The following VRK1 variants were observed in gnomAD, a reference collection of about 807,000 sequenced individuals.
VRK1 encodes serine/threonine-protein kinase VRK1.
A neutral mutation model predicts 57.1 loss-of-function variants in VRK1; 33 were observed. The ratio of observed to expected loss-of-function variants is 0.58; its 90% CI spans 0.44 to 0.77. The LOEUF (loss-of-function observed/expected upper bound fraction) is 0.77, where lower values mean the gene tolerates loss of function less well. Among genes scored for constraint, VRK1 ranks in the 30% least tolerant of loss-of-function variants. The pLI, the probability that VRK1 is intolerant of heterozygous loss-of-function variation, is 0.00. For missense variants in VRK1, 413 were observed against 477.3 expected (o/e 0.87, Z 1.25); for synonymous variants, 137 against 147.8 (o/e 0.93, Z 0.53).
intron 5 of VRK1, among the ~76,000 whole-genome samples, chr14:96,851,920 A>G (rs576780132): frequency 6.5e-4 from 99 of 152,370 alleles, no homozygotes; most frequent in Non-Finnish European, 1.0e-3. Flanking sequence ...TTGATGATTC[A>G]TAATCTTCCT....
intron 5 of VRK1, among the ~76,000 whole-genome samples, chr14:96,847,674 C>CAA (rs777977633): frequency 6.6e-6 from 1 of 151,434 alleles, no homozygotes; most frequent in Non-Finnish European, 1.5e-5. Flanking sequence ...AATAAACAAA[C>CAA]AAAAACGCCT....
chr14:96,822,453 T>C (rs2139722825), intron 1 of VRK1, among the ~76,000 whole-genome samples: 1 of 152,320 alleles, frequency 6.6e-6, no homozygotes, highest in South Asian at 2.1e-4. Context: ...ATATTTACAT[T>C]AAAGGGAAAA....
chr14:96,874,439 C>G (rs540745569), intron 11 of VRK1, among the ~76,000 whole-genome samples: 48 of 152,302 alleles, frequency 3.2e-4, no homozygotes, highest in African/African-American at 1.1e-3. Flanking sequence ...CCAATCTGTT[C>G]AGCCCAGCAG....
intron 1 of VRK1, among the ~76,000 whole-genome samples, chr14:96,812,666 T>C (rs1886250579): frequency 6.6e-6 from 1 of 152,236 alleles, no homozygotes; most frequent in Non-Finnish European, 1.5e-5. Flanking sequence ...ATGTTTTTTC[T>C]TTTTCTTCCA....
chr14:96,867,925 G>T (rs1046940916), intron 11 of VRK1, among the ~76,000 whole-genome samples: 41 of 151,906 alleles, frequency 2.7e-4, no homozygotes, highest in African/African-American at 9.9e-4. Flanking sequence ...AACTGTTTTG[G>T]CAGAGGGATT....
chr14:96,876,120 C>G lies in VRK1; in HGVS notation c.1159C>G (p.Arg387Gly), dbSNP rs149083861. The change falls in exon 12 of 13, where the codon CGT becomes GGT. Residue 387 changes from arginine to glycine, a missense_variant and splice_region_variant. This residue lies in a region of VRK1 where 146 missense variants were observed against 138.2 expected (regional missense o/e 1.06). Coordinates refer to ENST00000216639, the MANE Select transcript of VRK1 (RefSeq NM_003384.3). ...NTQTEEAIQT[R>G]SRTRKRVQK ...ACAGACAGAGGAGGCCATACAGACCCGTAAGTTGAACAGTTTTGCCTAGCT... is the reference window on the plus strand; with the variant it reads ...ACAGACAGAGGAGGCCATACAGACCGGTAAGTTGAACAGTTTTGCCTAGCT... The G allele has an allele frequency of 6.2e-7, 1 of 1,613,258 alleles. No individual in the cohort carries two copies. The highest frequency in any genetic ancestry group is 1.1e-5 in the South Asian group (1 of 91,054).
intron 12 of VRK1, among the ~76,000 whole-genome samples, chr14:96,879,181 G>T (rs1889155038): frequency 6.6e-6 from 1 of 151,790 alleles, no homozygotes; most frequent in African/African-American, 2.4e-5. Context: ...CTTCTGATTG[G>T]ACCCTTTGCC....
intron 5 of VRK1, among the ~76,000 whole-genome samples, chr14:96,849,789 T>G (rs1887877459): frequency 6.6e-6 from 1 of 152,230 alleles, no homozygotes; most frequent in Non-Finnish European, 1.5e-5. Context: ...ATGGTCTTTT[T>G]AAAAGTAGCC....
At chr14:96,804,178 C>T (rs1035173280) in intron 1 of VRK1, among the ~76,000 whole-genome samples, 2 of 152,114 alleles carry the variant, frequency 1.3e-5, no homozygotes, top group African/African-American at 4.8e-5. Flanking sequence ...TTTTTGGTTT[C>T]ATTTTTGCAC....
chr14:96,862,599 T>A (rs1296843640), intron 11 of VRK1, among the ~76,000 whole-genome samples: 1 of 151,634 alleles, frequency 6.6e-6, no homozygotes, highest in Non-Finnish European at 1.5e-5. Flanking sequence ...TTTCTTCATA[T>A]AATTTGTAAA....
At chr14:96,808,019 G>GTCTCTCTCTCTCTCTCTCTCTCTCTC (rs1566683621) in intron 1 of VRK1, among the ~76,000 whole-genome samples, 1 of 34,246 alleles carries the variant, frequency 2.9e-5, no homozygotes, top group African/African-American at 7.3e-5. Context: ...CTCTCCCTCT[G>GTCTCTCTCTCTCTCTCTCTCTCTCTC]TGTGTGTGTG....
chr14:96,843,306 A>G (rs1325360810), intron 3 of VRK1, among the ~76,000 whole-genome samples: 2 of 152,232 alleles, frequency 1.3e-5, no homozygotes, highest in African/African-American at 4.8e-5. Flanking sequence ...TAGCAGAACT[A>G]GAGGCAGAGG....
rs1332334431 is a variant in VRK1, at chr14:96,801,220, T to C, written c.-6+3773T>C. Reference sequence around the variant, plus strand: ...ATCTAATTGTCATTTATATCTAAAATTAAACAAACCATGAAGTTAGACATA... The same window carrying C: ...ATCTAATTGTCATTTATATCTAAAACTAAACAAACCATGAAGTTAGACATA... On this transcript the variant is annotated intron_variant, in intron 1 of 12. Transcript: ENST00000216639. 2.0e-5 allele frequency among the ~76,000 whole-genome samples: 3 copies of C among 152,244 alleles called. No homozygotes were observed. In the East Asian group the frequency reaches 5.8e-4, roughly 29 times the overall value.
rs369286625 is a variant in VRK1, at chr14:96,861,756, CT to C, written c.1068+1029del. 2.2e-4 allele frequency among the ~76,000 whole-genome samples: 33 copies of C among 152,090 alleles called. 1 individual carries two copies. The highest frequency in any genetic ancestry group is 1.2e-3 in the South Asian group (6 of 4,814). ...AATTATATACATGCATCTACATATA[CT>C]TTTTTTTCTTTGATAAGTTTTATCT... On this transcript the variant is annotated intron_variant, in intron 11 of 12. Coordinates refer to ENST00000216639, the MANE Select transcript of VRK1 (RefSeq NM_003384.3).
chr14:96,817,796 T>C (rs1291641818), intron 1 of VRK1, among the ~76,000 whole-genome samples: 2 of 152,234 alleles, frequency 1.3e-5, no homozygotes, highest in Non-Finnish European at 2.9e-5. Context: ...GTATTAGCTA[T>C]ATAGTTCACA....
At position 96,840,252 on chromosome 14, in the gene VRK1, G is replaced by A. The variant is rs58506686; in HGVS notation, c.216+2435G>A. ...ACTCACTTTGTTTTCTGTCTCTTAG[G>A]GGTCACAGTCCTGTCCTGTCCATTG... On this transcript the variant is annotated intron_variant, in intron 3 of 12. Coordinates refer to ENST00000216639, the MANE Select transcript of VRK1 (RefSeq NM_003384.3). Among the ~76,000 whole-genome samples the A allele has an allele frequency of 2.5e-3, 376 of 152,198 alleles. 3 individuals carry two copies. Among genetic ancestry groups the A allele is most frequent in the African/African-American group, 8.3e-3 (345 of 41,500 alleles).
intron 11 of VRK1, among the ~76,000 whole-genome samples, chr14:96,871,387 A>G (rs554694030): frequency 3.9e-4 from 56 of 144,766 alleles, no homozygotes; most frequent in African/African-American, 1.4e-3. Context: ...GTGGACTGTG[A>G]TGTAATGTGT....
intron 1 of VRK1, among the ~76,000 whole-genome samples, chr14:96,829,506 A>T (rs796174073): frequency 5.9e-5 from 9 of 152,326 alleles, no homozygotes; most frequent in African/African-American, 2.2e-4. Flanking sequence ...TGAACTAAAA[A>T]TATTTCCAAG....
chr14:96,824,665 A>AT (rs55945612), intron 1 of VRK1, among the ~76,000 whole-genome samples: 2,161 of 139,518 alleles, frequency 0.015, 22 homozygotes, highest in African/African-American at 0.032. Flanking sequence ...AAAAACATTA[A>AT]TTTTTTTTTT....
Sources: allele counts gnomAD v4.1 joint callset (sites outside exome capture counted in the v4.1 genomes callset), GRCh38; gene constraint gnomAD v4.1.1; regional missense constraint gnomAD v4.1.1; transcripts MANE v1.5; gene names NCBI Gene and HGNC (gene_info 2026-07-23, HGNC 2026-07-21).